PLCG2: variants seen among roughly 807,000 people sequenced by gnomAD.
PLCG2 encodes phospholipase C gamma 2.
PLCG2 carries 69 observed loss-of-function variants against 175.6 expected under a neutral mutation model. That is an observed-to-expected ratio of 0.39 (90% CI 0.32 to 0.48). The LOEUF is 0.48. PLCG2 is among the 20% of genes least tolerant of loss of function. The pLI is 0.91. For missense variants in PLCG2, 1,798 were observed against 1,650.9 expected (o/e 1.09, Z -1.54); for synonymous variants, 827 against 624.0 (o/e 1.33, Z -4.85).
At position 81,880,952 on chromosome 16, in the gene PLCG2, G is replaced by C. The variant is rs763759934; in HGVS notation, c.691G>C (p.Gly231Arg). 3 of 1,614,092 alleles carry C rather than the reference G, an allele frequency of 1.9e-6. No homozygotes were observed. Among genetic ancestry groups the C allele is most frequent in the East Asian group, 2.2e-5 (1 of 44,876 alleles). ...FKKDSSVFIL[G>R]NTDRPDASAV... ...AAAGGATTCGTCCGTGTTCATCCTG[G>C]GGTGAGGCAGCTCTTGTGTGTCGTT... The change falls in exon 8 of 33, where the codon GGG becomes CGG. Residue 231 changes from glycine to arginine, a missense_variant and splice_region_variant. Physicochemically the swap from Gly to Arg is moderately radical, Grantham distance 125. Coordinates refer to ENST00000564138, the MANE Select transcript of PLCG2 (RefSeq NM_002661.5).
intron 1 of PLCG2, among the ~76,000 whole-genome samples, chr16:81,746,821 AC>A (rs1483301473): frequency 6.6e-6 from 1 of 152,072 alleles, no homozygotes; most frequent in Non-Finnish European, 1.5e-5. Context: ...TTCTCTTGGA[AC>A]CAGTGGAGCC....
rs190313919 is a variant in PLCG2 at position 81,911,150 on chromosome 16, T to G, written c.1934+430T>G. On this transcript the variant is annotated intron_variant, in intron 18 of 32. Coordinates refer to ENST00000564138, the MANE Select transcript of PLCG2 (RefSeq NM_002661.5). ...TAGGTCTTGCGAAGGGTCAACAAAT[T>G]CTGGGAATAAAGAAAAAACAATTTT... 1.3e-3 allele frequency among the ~76,000 whole-genome samples: 200 copies of G among 152,238 alleles called. 2 individuals carry two copies. Among genetic ancestry groups the G allele is most frequent in the African/African-American group, 4.5e-3 (189 of 41,552 alleles).
chr16:81,755,488 G>T (rs747011461), intron 1 of PLCG2, among the ~76,000 whole-genome samples: 4 of 151,440 alleles, frequency 2.6e-5, no homozygotes, highest in African/African-American at 9.7e-5. Flanking sequence ...TTACAAGCGT[G>T]AGCCACCAAA....
At chr16:81,859,357 G>A (rs937681517) in intron 5 of PLCG2, 194 bp downstream of exon 5, 29 of 534,732 alleles carry the variant, frequency 5.4e-5, no homozygotes, top group Middle Eastern at 4.2e-4. Context: ...CCTCTATTCC[G>A]CAGAAAATTC....
At chr16:81,935,427 A>G (rs973482448) in intron 26 of PLCG2, 4 of 199,260 alleles carry the variant, frequency 2.0e-5, no homozygotes, top group Admixed American at 9.7e-5. Flanking sequence ...GGGGCCATTT[A>G]AAAAAAAAAA....
At chr16:81,919,767 G>A in intron 20 of PLCG2, 103 bp downstream of exon 20, 1 of 876,316 alleles carries the variant, frequency 1.1e-6, no homozygotes, top group Non-Finnish European at 1.8e-6. Flanking sequence ...CCATGTATCT[G>A]ATACTGCTGT....
upstream of PLCG2, among the ~76,000 whole-genome samples, chr16:81,775,314 C>G (rs539323750): frequency 1.3e-5 from 2 of 152,064 alleles, no homozygotes; most frequent in South Asian, 4.1e-4. Flanking sequence ...TCTGCATATG[C>G]TATAGGTGGG....
chr16:81,797,718 G>T (rs1297653531), intron 2 of PLCG2, among the ~76,000 whole-genome samples: 1 of 152,232 alleles, frequency 6.6e-6, no homozygotes, highest in African/African-American at 2.4e-5. Flanking sequence ...GGGCACCTCT[G>T]TGACAACTTC....
At chr16:81,891,822 T>TA (rs1358143533) in intron 11 of PLCG2, among the ~76,000 whole-genome samples, 1 of 152,200 alleles carries the variant, frequency 6.6e-6, no homozygotes, top group African/African-American at 2.4e-5. Context: ...AAAAAGCTAG[T>TA]AAAAACAAAA....
intron 2 of PLCG2, among the ~76,000 whole-genome samples, chr16:81,761,928 T>C (rs1311223909): frequency 1.3e-5 from 2 of 151,004 alleles, no homozygotes; most frequent in Non-Finnish European, 2.9e-5. Flanking sequence ...GCCTCCTAGG[T>C]TCAAGTGATT....
chr16:81,881,542 G>A (rs1908079412), intron 8 of PLCG2, among the ~76,000 whole-genome samples: 1 of 152,120 alleles, frequency 6.6e-6, no homozygotes, highest in Non-Finnish European at 1.5e-5. Flanking sequence ...AATGGTCTGG[G>A]GTACGTTGAT....
At chr16:81,799,815 G>C (rs563835077) in intron 2 of PLCG2, among the ~76,000 whole-genome samples, 50 of 151,290 alleles carry the variant, frequency 3.3e-4, no homozygotes, top group African/African-American at 5.4e-4. Flanking sequence ...GGATGGTCTC[G>C]ATCTCCTGAC....
intron 1 of PLCG2, among the ~76,000 whole-genome samples, chr16:81,749,354 T>G (rs1313975432): frequency 6.6e-6 from 1 of 152,150 alleles, no homozygotes; most frequent in African/African-American, 2.4e-5. Context: ...TATATTTTAT[T>G]TTTTATTTTT....
At chr16:81,883,567 G>A (rs1038254339) in intron 9 of PLCG2, 13 of 583,056 alleles carry the variant, frequency 2.2e-5, no homozygotes, top group Non-Finnish European at 3.1e-5. Context: ...GCCTCATGTC[G>A]GGCCTCTTTT....
chr16:81,768,652 G>T (rs375126145), intron 2 of PLCG2, among the ~76,000 whole-genome samples: 1 of 138,022 alleles, frequency 7.2e-6, no homozygotes, highest in Non-Finnish European at 1.5e-5. Context: ...TGCAACCTCC[G>T]CCTCCCGGGT....
In PLCG2 at chr16:81,879,532, T is replaced by C. The variant is rs530400601; in HGVS notation, c.649-1378T>C. ...GACTCTCTGATGCTTCTCAGAGGCC[T>C]GCGATTCCCTTTCTAGAACCCTGAT... On this transcript the variant is annotated intron_variant, in intron 7 of 32. Transcript: ENST00000564138. Among the ~76,000 whole-genome samples the C allele has an allele frequency of 3.3e-5, 5 of 152,284 alleles. No homozygotes were observed. In the South Asian group the frequency reaches 1.0e-3, roughly 32 times the overall value.
chr16:81,848,335 C>G (rs539576401), intron 2 of PLCG2, among the ~76,000 whole-genome samples: 4 of 152,278 alleles, frequency 2.6e-5, no homozygotes, highest in East Asian at 1.9e-4. Flanking sequence ...AAGGCAGATG[C>G]CTGCAGCTCT....
intron 5 of PLCG2, among the ~76,000 whole-genome samples, chr16:81,864,424 T>C (rs1167592864): frequency 1.3e-5 from 2 of 152,248 alleles, no homozygotes; most frequent in Non-Finnish European, 2.9e-5. Flanking sequence ...TAGCAGCTAC[T>C]ACCTCAGACA....
chr16:81,843,166 C>G (rs74029250), intron 2 of PLCG2, among the ~76,000 whole-genome samples: 7 of 152,264 alleles, frequency 4.6e-5, no homozygotes, highest in African/African-American at 1.7e-4. Context: ...CTGACCACAG[C>G]CTACTTTGAG....
Sources: gnomAD v4.1 joint callset for allele counts (sites outside exome capture counted in the v4.1 genomes callset) on GRCh38, gnomAD v4.1.1 for gene constraint, MANE v1.5 for transcripts, NCBI Gene and HGNC (gene_info 2026-07-23, HGNC 2026-07-21) for gene names.